DNM2: variants seen among roughly 807,000 people sequenced by gnomAD.
DNM2 encodes the protein dynamin 2, also known as dynamin-2.
In DNM2, 15 loss-of-function variants were observed where a neutral mutation model predicts 99.0. The ratio of observed to expected loss-of-function variants is 0.15; its 90% CI spans 0.10 to 0.23. The LOEUF (loss-of-function observed/expected upper bound fraction) is 0.23, where lower values mean the gene tolerates loss of function less well. Among genes scored for constraint, DNM2 ranks in the 10% least tolerant of loss-of-function variants. The pLI, the probability that DNM2 is intolerant of heterozygous loss-of-function variation, is 1.00. For synonymous variants in DNM2, 525 were observed against 481.2 expected (o/e 1.09, Z -1.19); for missense variants, 742 against 1,189.4 (o/e 0.62, Z 5.53).
At position 10,830,641 on chromosome 19, in the gene DNM2, A is replaced by G; in HGVS notation, c.2543+263A>G. 3.4e-6 allele frequency: 2 copies of G among 587,692 alleles called. No homozygotes were observed. Among genetic ancestry groups the G allele is most frequent in the Non-Finnish European group, 6.0e-6 (2 of 334,332 alleles). 36.4% of individuals were successfully genotyped at this position (587,692 alleles called of 1,614,324 possible). ...GGGTGTGCCACCAGGCAGCTGGGGA[A>G]CCCTCACACTGGGCACCTCCTCCCA... is the stretch of plus-strand genomic sequence containing the variant. On this transcript the variant is annotated intron_variant, in intron 20 of 20. Coordinates refer to ENST00000389253, the MANE Select transcript of DNM2 (RefSeq NM_001005361.3). The surrounding 1 kb of genome is among the most constrained non-coding windows in gnomAD (Gnocchi z 4.8).
At chr19:10,749,222 G>A (rs1005662911) in intron 1 of DNM2, among the ~76,000 whole-genome samples, 1 of 152,180 alleles carries the variant, frequency 6.6e-6, no homozygotes, top group African/African-American at 2.4e-5. Flanking sequence ...AGCCTGCATC[G>A]TTCCTGCACG....
intron 1 of DNM2, among the ~76,000 whole-genome samples, chr19:10,742,603 T>C (rs980530959): frequency 6.6e-6 from 1 of 152,200 alleles, no homozygotes; most frequent in Non-Finnish European, 1.5e-5. Context: ...GTTGTCCCCA[T>C]GAGGAAGCTG....
At chr19:10,774,220 A>T (rs545151152) in intron 3 of DNM2, among the ~76,000 whole-genome samples, 1 of 152,322 alleles carries the variant, frequency 6.6e-6, no homozygotes, top group South Asian at 2.1e-4. Context: ...CAGGAGGGTC[A>T]CTTGGGCCCA....
intron 16 of DNM2, 24 bp from the exon 17 acceptor site, chr19:10,823,764 C>T (rs1252825620): frequency 6.3e-7 from 1 of 1,593,886 alleles, no homozygotes; most frequent in Non-Finnish European, 8.6e-7. Context: ...AAGCTTGTGC[C>T]CCTCCTTCCC....
At chr19:10,786,487 G>C in intron 6 of DNM2, 77 bp from the exon 7 acceptor site, 1 of 1,607,936 alleles carries the variant, frequency 6.2e-7, no homozygotes, top group Non-Finnish European at 8.5e-7. Flanking sequence ...TTGGCCCTTG[G>C]TTGGGGGGAG....
rs997491128 is a variant in DNM2 at position 10,817,851 on chromosome 19, A to G, written c.1672-2129A>G. On this transcript the variant is annotated intron_variant, in intron 15 of 20. Coordinates refer to ENST00000389253, the MANE Select transcript of DNM2 (RefSeq NM_001005361.3). The surrounding 1 kb of genome is among the most constrained non-coding windows in gnomAD (Gnocchi z 4.6). ...CGCACGCGTGCGTGCCGGCAGCACC[A>G]GGAAGGCGGCCACTGATTTCTCGGC... Among the ~76,000 whole-genome samples the G allele has an allele frequency of 2.7e-5, 4 of 149,388 alleles. No homozygotes were observed. The highest frequency in any genetic ancestry group is 1.0e-4 in the African/African-American group (4 of 40,148).
chr19:10,728,979 C>T (rs1227512941), intron 1 of DNM2, among the ~76,000 whole-genome samples: 1 of 148,808 alleles, frequency 6.7e-6, no homozygotes, highest in African/African-American at 2.5e-5. Context: ...GTGGTTCACG[C>T]CTGTAATCCC....
intron 1 of DNM2, among the ~76,000 whole-genome samples, chr19:10,720,764 C>T (rs1346992189): frequency 6.6e-6 from 1 of 152,154 alleles, no homozygotes; most frequent in Non-Finnish European, 1.5e-5. Flanking sequence ...ACTTACCTAA[C>T]GCACTGCCTG....
chr19:10,828,083 G>A (rs1599636899), intron 18 of DNM2, among the ~76,000 whole-genome samples: 1 of 151,160 alleles, frequency 6.6e-6, no homozygotes, highest in African/African-American at 2.4e-5. Flanking sequence ...GAGGTCAGGA[G>A]TTAAAGACCA....
intron 1 of DNM2, among the ~76,000 whole-genome samples, chr19:10,731,354 CT>C (rs369402403): frequency 0.045 from 6,266 of 139,458 alleles, 137 homozygotes; most frequent in African/African-American, 0.069. Flanking sequence ...TCTTTTCCTT[CT>C]TTTTTTTTTT....
In DNM2 at chr19:10,817,926, G is replaced by A. The variant is rs2072821030; in HGVS notation, c.1672-2054G>A. ...GATGTGGCATTAGCTGGAATGGCCTGTGACTCAGTTACTTGGCCCTGCTGG... is the reference window on the plus strand; with the variant it reads ...GATGTGGCATTAGCTGGAATGGCCTATGACTCAGTTACTTGGCCCTGCTGG... On this transcript the variant is annotated intron_variant, in intron 15 of 20. Transcript: ENST00000389253. The surrounding 1 kb of genome is among the most constrained non-coding windows in gnomAD (Gnocchi z 4.6). 6.6e-6 allele frequency among the ~76,000 whole-genome samples: 1 copy of A among 152,138 alleles called. No individual in the cohort carries two copies. Among genetic ancestry groups the A allele is most frequent in the Non-Finnish European group, 1.5e-5 (1 of 68,000 alleles).
intron 11 of DNM2, 121 bp from the exon 12 acceptor site, chr19:10,802,167 T>G: frequency 9.9e-7 from 1 of 1,014,806 alleles, no homozygotes; most frequent in South Asian, 1.3e-5. Context: ...CCTGTTCTCC[T>G]GTCTGGGAAG....
rs577486287 is a variant in DNM2 at position 10,756,341 on chromosome 19, G to A, written c.162-3397G>A. 1.4e-4 allele frequency among the ~76,000 whole-genome samples: 20 copies of A among 145,008 alleles called. 1 individual carries two copies. In the South Asian group the frequency reaches 3.6e-3, roughly 26 times the overall value. ...GTATGTCTTCCTCGCACCCACCCCC[G>A]TCAGAATGTTGGCGCCAGTGTCACC... On this transcript the variant is annotated intron_variant, in intron 1 of 20. Coordinates refer to ENST00000389253, the MANE Select transcript of DNM2 (RefSeq NM_001005361.3).
intron 7 of DNM2, among the ~76,000 whole-genome samples, chr19:10,788,941 G>A (rs1239797242): frequency 1.1e-4 from 17 of 152,224 alleles, no homozygotes; most frequent in Admixed American, 8.5e-4. Flanking sequence ...GTGCATGGTC[G>A]TGGGCTAAGG....
chr19:10,754,928 C>T (rs2070331319), intron 1 of DNM2, among the ~76,000 whole-genome samples: 1 of 152,234 alleles, frequency 6.6e-6, no homozygotes, highest in African/African-American at 2.4e-5. Context: ...TTGGTACCTA[C>T]TGGCTAGATC....
In DNM2 at chr19:10,811,650, G is replaced by A. The variant is rs2072549083; in HGVS notation, c.1558-614G>A. The A allele has an allele frequency of 2.0e-6, 1 of 498,484 alleles. No individual in the cohort carries two copies. Among genetic ancestry groups the A allele is most frequent in the African/African-American group, 1.9e-5 (1 of 51,414 alleles). The allele number at this position is 498,484 out of a possible 1,614,324, so 30.9% of individuals were successfully genotyped here. On this transcript the variant is annotated intron_variant, in intron 14 of 20. Coordinates refer to ENST00000389253, the MANE Select transcript of DNM2 (RefSeq NM_001005361.3). This position sits in a 1 kb window ranked among gnomAD's most constrained non-coding sequence, Gnocchi z 5.4. ...AGCATGGGAGCACAGCCCCCAGGCTGCCTGCCGTTAGTTGTCAGGTGAGTC... is the reference window on the plus strand; with the variant it reads ...AGCATGGGAGCACAGCCCCCAGGCTACCTGCCGTTAGTTGTCAGGTGAGTC...
At chr19:10,786,543 T>C in intron 6 of DNM2, 21 bp from the exon 7 acceptor site, 1 of 1,613,900 alleles carries the variant, frequency 6.2e-7, no homozygotes, top group Non-Finnish European at 8.5e-7. Flanking sequence ...CCCTTTCTGA[T>C]CTCTGACCTC....
At chr19:10,797,100 G>A (rs1686518261) in intron 9 of DNM2, among the ~76,000 whole-genome samples, 1 of 152,108 alleles carries the variant, frequency 6.6e-6, no homozygotes, top group Non-Finnish European at 1.5e-5. Context: ...TCATGGACAT[G>A]AATGTTAGAG....
At chr19:10,736,053 A>G (rs1484034416) in intron 1 of DNM2, among the ~76,000 whole-genome samples, 1 of 152,082 alleles carries the variant, frequency 6.6e-6, no homozygotes, top group African/African-American at 2.4e-5. Context: ...ACTTGAGGTC[A>G]GGAGTTTGAA....
Sources: allele counts gnomAD v4.1 joint callset (sites outside exome capture counted in the v4.1 genomes callset), GRCh38; gene constraint gnomAD v4.1.1; non-coding constraint Gnocchi (gnomAD v3.1); transcripts MANE v1.5; gene names NCBI Gene and HGNC (gene_info 2026-07-23, HGNC 2026-07-21).